Variants in DAB1 observed in about 807,000 individuals in gnomAD.
The protein encoded by DAB1 is disabled homolog 1.
Under a neutral mutation model 64.6 loss-of-function variants are expected in DAB1, and 15 were observed. The ratio of observed to expected loss-of-function variants is 0.23; its 90% confidence interval spans 0.16 to 0.36. DAB1 has a LOEUF of 0.36. Ranked by LOEUF, DAB1 falls within the 10% of genes least tolerant of loss-of-function variation. The pLI is 1.00. For synonymous variants in DAB1, 235 were observed against 251.9 expected (o/e 0.93, Z 0.64); for missense variants, 596 against 706.7 (o/e 0.84, Z 1.78).
chr1:58,113,808 G>A (rs936186554), intron 5 of DAB1, among the ~76,000 whole-genome samples: 2 of 152,150 alleles, frequency 1.3e-5, no homozygotes, highest in Non-Finnish European at 2.9e-5. Flanking sequence ...TAGGAGTTTT[G>A]TGTACAGCTC....
chr1:57,563,243 TTTC>T (rs1349345442), intron 7 of DAB1, among the ~76,000 whole-genome samples: 3 of 152,220 alleles, frequency 2.0e-5, no homozygotes, highest in Admixed American at 6.5e-5. Context: ...TCATGAGTAT[TTTC>T]TTCTTCTTTT....
chr1:57,913,429 T>A (rs1387877025), intron 5 of DAB1, among the ~76,000 whole-genome samples: 7 of 152,080 alleles, frequency 4.6e-5, no homozygotes, highest in South Asian at 2.1e-4. Context: ...CTTACACCTT[T>A]TACAAAAATT....
At chr1:57,092,185 C>T (rs1653745690) in intron 4 of DAB1, among the ~76,000 whole-genome samples, 1 of 152,202 alleles carries the variant, frequency 6.6e-6, no homozygotes, top group South Asian at 2.1e-4. Context: ...TACGTATTTG[C>T]TCATTCAACA....
intron 7 of DAB1, among the ~76,000 whole-genome samples, chr1:57,555,397 T>G (rs1348792624): frequency 6.6e-6 from 1 of 150,692 alleles, no homozygotes; most frequent in Non-Finnish European, 1.5e-5. Flanking sequence ...CTGGGTTTTT[T>G]TTTTTTTTTT....
intron 6 of DAB1, among the ~76,000 whole-genome samples, chr1:57,771,639 T>A (rs1649566896): frequency 6.6e-6 from 1 of 152,180 alleles, no homozygotes; most frequent in African/African-American, 2.4e-5. Flanking sequence ...TCAATCATTA[T>A]GTTTTGGCAA....
At chr1:57,318,722 G>A (rs1365626384) in intron 1 of DAB1, among the ~76,000 whole-genome samples, 10 of 121,230 alleles carry the variant, frequency 8.2e-5, no homozygotes, top group Non-Finnish European at 1.2e-4. Flanking sequence ...TTGTTTACCC[G>A]GTAATTTGCA....
chr1:58,189,161 A>G (rs1657250375), intron 4 of DAB1, among the ~76,000 whole-genome samples: 1 of 152,138 alleles, frequency 6.6e-6, no homozygotes, highest in South Asian at 2.1e-4. Flanking sequence ...GCTTTGTCAT[A>G]TTTGGTTAAT....
chr1:57,991,181 C>T (rs145584855), intron 5 of DAB1, among the ~76,000 whole-genome samples: 1 of 152,310 alleles, frequency 6.6e-6, no homozygotes, highest in African/African-American at 2.4e-5. Context: ...ATTTTCCATT[C>T]TGCTGGTCAG....
intron 3 of DAB1, among the ~76,000 whole-genome samples, chr1:58,413,104 C>T (rs994681333): frequency 6.6e-6 from 1 of 152,140 alleles, no homozygotes; most frequent in Non-Finnish European, 1.5e-5. Flanking sequence ...GGGAGGAGAG[C>T]ATTAGGTGAG....
rs564592343 is a variant in DAB1 at position 57,685,846 on chromosome 1, A to T, written n.552-36181T>A. On this transcript the variant is annotated intron_variant and non_coding_transcript_variant, in intron 6 of 20. Transcript: ENST00000485760. ...CTCAAAATTAAGGCAGAAATAAAAAAATTGTTTGAAATTTATGAAGATAAT... is the reference window on the plus strand; with the variant it reads ...CTCAAAATTAAGGCAGAAATAAAAATATTGTTTGAAATTTATGAAGATAAT... 2.0e-5 allele frequency among the ~76,000 whole-genome samples: 3 copies of T among 152,328 alleles called. No individual in the cohort carries two copies. In the East Asian group the frequency reaches 5.8e-4, roughly 29 times the overall value.
At chr1:57,687,377 A>C (rs2101707531) in intron 6 of DAB1, among the ~76,000 whole-genome samples, 1 of 152,216 alleles carries the variant, frequency 6.6e-6, no homozygotes, top group Non-Finnish European at 1.5e-5. Flanking sequence ...ACACTTCTGA[A>C]AGAAATCAGA....
intron 5 of DAB1, among the ~76,000 whole-genome samples, chr1:57,921,055 A>T (rs1202814): frequency 0.13 from 19,072 of 152,228 alleles, 2,081 homozygotes; most frequent in African/African-American, 0.29. Flanking sequence ...AATGATGTTC[A>T]TTGGGAATTA....
chr1:57,253,764 G>A (rs1338057595), intron 2 of DAB1, among the ~76,000 whole-genome samples: 4 of 152,092 alleles, frequency 2.6e-5, no homozygotes, highest in African/African-American at 7.2e-5. Context: ...CTCTACTCCT[G>A]ATATATTTTA....
At chr1:57,771,006 T>C (rs550207405) in intron 6 of DAB1, among the ~76,000 whole-genome samples, 3 of 152,252 alleles carry the variant, frequency 2.0e-5, no homozygotes, top group East Asian at 3.9e-4. Context: ...TACAACCTCA[T>C]TGTACAGATG....
At chr1:58,040,045 G>A (rs1160784772) in intron 5 of DAB1, among the ~76,000 whole-genome samples, 4 of 152,122 alleles carry the variant, frequency 2.6e-5, no homozygotes, top group Non-Finnish European at 5.9e-5. Flanking sequence ...CAGCTGGGAG[G>A]AATGATTGCA....
At chr1:57,960,400 G>A (rs1426466251) in intron 5 of DAB1, among the ~76,000 whole-genome samples, 1 of 151,754 alleles carries the variant, frequency 6.6e-6, no homozygotes, top group African/African-American at 2.4e-5. Context: ...ACATGACATG[G>A]TGCTTGGTAC....
chr1:58,260,915 A>T (rs1239209047), intron 4 of DAB1, among the ~76,000 whole-genome samples: 1 of 152,150 alleles, frequency 6.6e-6, no homozygotes, highest in Non-Finnish European at 1.5e-5. Context: ...AGAGTCCATA[A>T]AACCCTGATG....
At chr1:57,173,070 C>A (rs181632966) in intron 2 of DAB1, among the ~76,000 whole-genome samples, 12 of 152,214 alleles carry the variant, frequency 7.9e-5, no homozygotes, top group African/African-American at 2.4e-4. Flanking sequence ...TCTTCTGAAG[C>A]TCCAAGCATC....
At chr1:58,212,269 T>C (rs550201707) in intron 4 of DAB1, among the ~76,000 whole-genome samples, 1 of 152,340 alleles carries the variant, frequency 6.6e-6, no homozygotes, top group Non-Finnish European at 1.5e-5. Context: ...GTGCTTTATA[T>C]GGATTGCCTT....
Sources: gnomAD v4.1 joint callset for allele counts (sites outside exome capture counted in the v4.1 genomes callset) on GRCh38, gnomAD v4.1.1 for gene constraint, MANE v1.5 for transcripts, NCBI Gene and HGNC (gene_info 2026-07-23, HGNC 2026-07-21) for gene names.